ANO2: variants seen among roughly 807,000 people sequenced by gnomAD.
ANO2 encodes the protein anoctamin 2.
A neutral mutation model predicts 124.2 loss-of-function variants in ANO2; 101 were observed. The observed-to-expected ratio is 0.81, with a 90% confidence interval of 0.69 to 0.96. The LOEUF (loss-of-function observed/expected upper bound fraction) is 0.96. Among genes scored for constraint, ANO2 ranks in the 40% least tolerant of loss-of-function variants. ANO2 has a pLI of 0.00. For synonymous variants in ANO2, 486 were observed against 482.5 expected (o/e 1.01, Z -0.09); for missense variants, 1,293 against 1,274.5 (o/e 1.01, Z -0.22).
intron 23 of ANO2, among the ~76,000 whole-genome samples, chr12:5,569,174 G>T (rs1941954040): frequency 6.6e-6 from 1 of 152,202 alleles, no homozygotes; most frequent in Admixed American, 6.5e-5. Flanking sequence ...GCTTCTCTCA[G>T]GACCTCTGTC....
intron 3 of ANO2, among the ~76,000 whole-genome samples, chr12:5,876,111 TCTG>T (rs1424788634): frequency 6.6e-6 from 1 of 152,140 alleles, no homozygotes; most frequent in Non-Finnish European, 1.5e-5. Flanking sequence ...TCCCCCTCAG[TCTG>T]CTATTCTGGC....
intron 14 of ANO2, among the ~76,000 whole-genome samples, chr12:5,727,557 A>G (rs1360554249): frequency 6.7e-6 from 1 of 150,010 alleles, no homozygotes; most frequent in Non-Finnish European, 1.5e-5. Flanking sequence ...TGAGACTTAC[A>G]GTGACTTAAT....
chr12:5,775,260 A>C (rs1372809591), intron 10 of ANO2, among the ~76,000 whole-genome samples: 2 of 152,138 alleles, frequency 1.3e-5, no homozygotes, highest in African/African-American at 4.8e-5. Context: ...AGAGAATAGA[A>C]ATAATTACGT....
intron 4 of ANO2, 67 bp from the exon 5 acceptor site, chr12:5,832,670 A>T: frequency 6.7e-7 from 1 of 1,498,600 alleles, no homozygotes; most frequent in Non-Finnish European, 8.9e-7. Flanking sequence ...GGCTTCACAA[A>T]AAAAAGCTGC....
intron 3 of ANO2, among the ~76,000 whole-genome samples, chr12:5,918,466 G>T (rs1416476672): frequency 6.9e-6 from 1 of 144,134 alleles, no homozygotes; most frequent in Non-Finnish European, 1.5e-5. Flanking sequence ...TTGAGACAGA[G>T]TCTCCCTCTG....
chr12:5,922,923 C>G, intron 1 of ANO2, 119 bp from the exon 2 acceptor site: 1 of 1,087,862 alleles, frequency 9.2e-7, no homozygotes, highest in Non-Finnish European at 1.2e-6. Context: ...TGCTTCACAG[C>G]TGCCTCCTTG....
chr12:5,940,177 T>C (rs11063944), intron 1 of ANO2, among the ~76,000 whole-genome samples: 18,276 of 152,212 alleles, frequency 0.12, 1,248 homozygotes, highest in African/African-American at 0.18. Flanking sequence ...ATGCCACATA[T>C]CGATGTTGTC....
At chr12:5,578,051 G>A (rs778273948) in intron 21 of ANO2, 44 bp from the exon 22 acceptor site, 29 of 1,590,472 alleles carry the variant, frequency 1.8e-5, no homozygotes, top group South Asian at 7.8e-5. Context: ...CCCGCCCTCG[G>A]CCCAGTGATG....
intron 4 of ANO2, among the ~76,000 whole-genome samples, chr12:5,842,213 C>T (rs1482641963): frequency 1.3e-5 from 2 of 152,168 alleles, no homozygotes; most frequent in Non-Finnish European, 1.5e-5. Context: ...CATACAACAT[C>T]TGAATCCTCC....
chr12:5,644,405 T>A (rs1946530959), intron 15 of ANO2, among the ~76,000 whole-genome samples: 1 of 152,238 alleles, frequency 6.6e-6, no homozygotes, highest in Admixed American at 6.5e-5. Flanking sequence ...AGTTTTATAA[T>A]TAGAGTAACA....
intron 20 of ANO2, among the ~76,000 whole-genome samples, chr12:5,583,056 T>A (rs1166067473): frequency 3.3e-5 from 5 of 152,218 alleles, no homozygotes; most frequent in African/African-American, 9.6e-5. Context: ...TTCCAAGTCC[T>A]CACTCACCAT....
intron 10 of ANO2, among the ~76,000 whole-genome samples, chr12:5,757,042 C>T (rs1361044794): frequency 6.6e-6 from 1 of 152,232 alleles, no homozygotes; most frequent in Non-Finnish European, 1.5e-5. Flanking sequence ...GGTGGTTCTG[C>T]TGCCAGAAAG....
At chr12:5,640,846 C>T (rs943798388) in intron 15 of ANO2, among the ~76,000 whole-genome samples, 2 of 152,146 alleles carry the variant, frequency 1.3e-5, no homozygotes, top group Non-Finnish European at 2.9e-5. Flanking sequence ...ACTAGAAATA[C>T]CATTTGACCT....
chr12:5,698,267 G>A (rs542783494), intron 14 of ANO2, among the ~76,000 whole-genome samples: 1 of 152,312 alleles, frequency 6.6e-6, no homozygotes, highest in South Asian at 2.1e-4. Context: ...GAACGATCAG[G>A]CAGCAACATT....
intron 3 of ANO2, among the ~76,000 whole-genome samples, chr12:5,909,377 C>A (rs1251034898): frequency 6.6e-6 from 1 of 152,178 alleles, no homozygotes; most frequent in Non-Finnish European, 1.5e-5. Context: ...TAGTAAATTG[C>A]AAAAACTTTA....
chr12:5,705,096 T>C (rs1182656850), intron 14 of ANO2, among the ~76,000 whole-genome samples: 1 of 152,214 alleles, frequency 6.6e-6, no homozygotes, highest in African/African-American at 2.4e-5. Context: ...TCTTAAGAGC[T>C]GATAATTTAT....
At chr12:5,697,479 C>T (rs1463925899) in intron 14 of ANO2, among the ~76,000 whole-genome samples, 1 of 152,080 alleles carries the variant, frequency 6.6e-6, no homozygotes, top group Non-Finnish European at 1.5e-5. Flanking sequence ...AATAGAGGTT[C>T]CAAGATGGCT....
In ANO2 at chr12:5,700,013, C is replaced by T. The variant is rs1332970667; in HGVS notation, c.1545+32507G>A. Among the ~76,000 whole-genome samples, 6 of 152,286 alleles carry T rather than the reference C, an allele frequency of 3.9e-5. No individual in the cohort carries two copies. The South Asian group carries it at 8.3e-4, about 21-fold the overall frequency. ...ATGGGAGACTTTAACACCCCACTGT[C>T]AACATTAGACAGATCAATGAGACAG... On this transcript the variant is annotated intron_variant, in intron 14 of 24. Coordinates refer to ENST00000682330, the MANE Select transcript of ANO2 (RefSeq NM_001364791.2).
intron 1 of ANO2, among the ~76,000 whole-genome samples, chr12:5,937,705 T>C (rs1053225692): frequency 3.3e-5 from 5 of 152,156 alleles, no homozygotes; most frequent in Non-Finnish European, 5.9e-5. Context: ...TGAGCTTATG[T>C]AGGAGTTTGC....
Sources: allele counts gnomAD v4.1 joint callset (sites outside exome capture counted in the v4.1 genomes callset), GRCh38; gene constraint gnomAD v4.1.1; transcripts MANE v1.5; gene names NCBI Gene and HGNC (gene_info 2026-07-23, HGNC 2026-07-21).